Variants in PIK3R3 observed in about 807,000 individuals in gnomAD.
PIK3R3 encodes phosphatidylinositol 3-kinase regulatory subunit gamma.
PIK3R3 carries 64 observed loss-of-function variants against 62.9 expected under a neutral mutation model. The observed-to-expected ratio is 1.02, with a 90% CI of 0.83 to 1.25. The LOEUF is 1.25. Among genes scored for constraint, PIK3R3 ranks in the 50% most tolerant of loss-of-function variants. PIK3R3 has a pLI of 0.00. For missense variants in PIK3R3, 614 were observed against 561.6 expected (o/e 1.09, Z -0.94); for synonymous variants, 165 against 189.0 (o/e 0.87, Z 1.04).
chr1:46,128,104 T>C (rs764019212), intron 1 of PIK3R3, among the ~76,000 whole-genome samples: 5 of 152,220 alleles, frequency 3.3e-5, no homozygotes, highest in Admixed American at 6.5e-5. Flanking sequence ...CTAGAAGCAA[T>C]AATAGATAAA....
chr1:46,125,181 C>T (rs577790102), intron 1 of PIK3R3, among the ~76,000 whole-genome samples: 67 of 152,144 alleles, frequency 4.4e-4, no homozygotes, highest in African/African-American at 1.5e-3. Flanking sequence ...AAAGCATTAT[C>T]AAATGGGAGA....
At chr1:46,101,554 G>A (rs1006448257) in intron 1 of PIK3R3, among the ~76,000 whole-genome samples, 6 of 152,124 alleles carry the variant, frequency 3.9e-5, no homozygotes, top group Non-Finnish European at 8.8e-5. Context: ...TCCACCAACA[G>A]ATGACTGAAT....
At chr1:46,150,803 C>CTTT in the PIK3R3 span, among the ~76,000 whole-genome samples, 17 of 112,768 alleles carry the variant, frequency 1.5e-4, no homozygotes, top group Non-Finnish European at 2.0e-4. Flanking sequence ...GGTAAACACT[C>CTTT]TTTTTTTTTT....
chr1:46,050,447 C>T (rs1267029727), intron 7 of PIK3R3, among the ~76,000 whole-genome samples: 1 of 151,936 alleles, frequency 6.6e-6, no homozygotes, highest in Non-Finnish European at 1.5e-5. Context: ...CGCCTATAAT[C>T]CCAGCTACTC....
intron 1 of PIK3R3, among the ~76,000 whole-genome samples, chr1:46,083,967 G>T (rs987206311): frequency 6.6e-6 from 1 of 152,078 alleles, no homozygotes; most frequent in South Asian, 2.1e-4. Context: ...ACTTGCACAT[G>T]AATGTTCATA....
intron 1 of PIK3R3, among the ~76,000 whole-genome samples, chr1:46,113,765 C>G (rs1292275222): frequency 6.6e-6 from 1 of 152,122 alleles, no homozygotes; most frequent in East Asian, 1.9e-4. Flanking sequence ...TTACTGAATA[C>G]TTTGTATGTG....
At chr1:46,146,952 G>A in the PIK3R3 span, among the ~76,000 whole-genome samples, 6 of 151,972 alleles carry the variant, frequency 3.9e-5, no homozygotes, top group African/African-American at 1.5e-4. Context: ...GTACCCTCAC[G>A]GACCTATAGT....
At chr1:46,137,980 C>T (rs748845190), upstream of PIK3R3, among the ~76,000 whole-genome samples, 1 of 152,118 alleles carries the variant, frequency 6.6e-6, no homozygotes, top group African/African-American at 2.4e-5. Flanking sequence ...AGACAATGAC[C>T]TTTCCCTCCC....
the PIK3R3 span, among the ~76,000 whole-genome samples, chr1:46,162,094 A>C: frequency 6.6e-6 from 1 of 151,100 alleles, no homozygotes; most frequent in South Asian, 2.1e-4. Context: ...TCCGTCTCAA[A>C]AAAAAAAAAA....
At chr1:46,105,613 C>A (rs1256784629) in intron 1 of PIK3R3, among the ~76,000 whole-genome samples, 3 of 152,042 alleles carry the variant, frequency 2.0e-5, no homozygotes, top group African/African-American at 7.2e-5. Flanking sequence ...GTCAGAAGTT[C>A]GAGACCAGTC....
rs1238994171 is a variant in PIK3R3, at chr1:46,044,896, T to C, written c.1187+1022A>G. The stretch of plus-strand genomic sequence containing the variant: ...AACTTGGATTCAAACTCTGACTCCA[T>C]GATACAAGTAGAGCACTATGAACAA... On this transcript the variant is annotated intron_variant, in intron 9 of 9. Coordinates refer to ENST00000262741, the MANE Select transcript of PIK3R3 (RefSeq NM_003629.4). The surrounding 1 kb of genome is among the most constrained non-coding windows in gnomAD (Gnocchi z 4.2). Among the ~76,000 whole-genome samples the C allele has an allele frequency of 2.0e-5, 3 of 152,362 alleles. No individual in the cohort carries two copies. The highest frequency in any genetic ancestry group is 2.1e-4 in the South Asian group (1 of 4,832).
intron 1 of PIK3R3, among the ~76,000 whole-genome samples, chr1:46,086,106 T>C (rs1557594754): frequency 6.6e-6 from 1 of 152,228 alleles, no homozygotes; most frequent in Non-Finnish European, 1.5e-5. Context: ...TTAATTAATA[T>C]GTAGCTATAT....
intron 1 of PIK3R3, among the ~76,000 whole-genome samples, chr1:46,109,822 G>A (rs1164131612): frequency 6.6e-6 from 1 of 152,022 alleles, no homozygotes; most frequent in Non-Finnish European, 1.5e-5. Flanking sequence ...CTTCTTTTGA[G>A]TTTCAAATCT....
chr1:46,118,446 C>A (rs1233278503), intron 1 of PIK3R3, among the ~76,000 whole-genome samples: 3 of 152,044 alleles, frequency 2.0e-5, no homozygotes, highest in Non-Finnish European at 4.4e-5. Context: ...CTGTTCAATA[C>A]ACTTTGATGG....
At chr1:46,082,522 A>G (rs531377551) in intron 1 of PIK3R3, among the ~76,000 whole-genome samples, 1 of 152,298 alleles carries the variant, frequency 6.6e-6, no homozygotes, top group South Asian at 2.1e-4. Flanking sequence ...CAGCAGTGTT[A>G]GTTTTCTGAT....
chr1:46,074,557 G>C (rs1443604001), intron 3 of PIK3R3, among the ~76,000 whole-genome samples: 1 of 152,010 alleles, frequency 6.6e-6, no homozygotes, highest in Admixed American at 6.5e-5. Context: ...AGGTGTGGTG[G>C]GGGTGGGTCC....
At chr1:46,127,416 CA>C (rs1048103970) in intron 1 of PIK3R3, among the ~76,000 whole-genome samples, 5 of 149,172 alleles carry the variant, frequency 3.4e-5, no homozygotes, top group African/African-American at 9.8e-5. Context: ...AAAAAGCCAA[CA>C]ATTTTTAAAA....
the PIK3R3 span, among the ~76,000 whole-genome samples, chr1:46,155,205 C>T: frequency 2.0e-5 from 3 of 151,978 alleles, no homozygotes; most frequent in African/African-American, 2.4e-5. Context: ...CCTGTGGTCC[C>T]GCCTACTCCA....
chr1:46,067,405 C>A lies in PIK3R3; in HGVS notation c.315-314G>T, dbSNP rs561635072. Among the ~76,000 whole-genome samples the A allele has an allele frequency of 5.1e-4, 77 of 151,576 alleles. 1 individual carries two copies. The highest frequency in any genetic ancestry group is 1.8e-3 in the African/African-American group (74 of 41,358). On this transcript the variant is annotated intron_variant, in intron 3 of 9. Coordinates refer to ENST00000262741, the MANE Select transcript of PIK3R3 (RefSeq NM_003629.4). ...AAGAAAAATAAAACAGAAGTAAATT[C>A]TATTTTTGTTTATATTCTGAATGAA...
Sources: gnomAD v4.1 joint callset for allele counts (sites outside exome capture counted in the v4.1 genomes callset) on GRCh38, gnomAD v4.1.1 for gene constraint, Gnocchi (gnomAD v3.1) non-coding constraint, MANE v1.5 for transcripts, NCBI Gene and HGNC (gene_info 2026-07-23, HGNC 2026-07-21) for gene names.